Variants in TENM4 observed in about 807,000 individuals in gnomAD.
TENM4 encodes the protein teneurin-4.
A neutral mutation model predicts 243.3 loss-of-function variants in TENM4; 82 were observed. The ratio of observed to expected loss-of-function variants is 0.34; its 90% CI spans 0.28 to 0.40. The LOEUF (loss-of-function observed/expected upper bound fraction) is 0.40, where lower values mean the gene tolerates loss of function less well. Ranked by LOEUF, TENM4 falls within the 10% of genes least tolerant of loss-of-function variation. TENM4 has a pLI of 1.00. For synonymous variants in TENM4, 1,412 were observed against 1,456.3 expected, an observed-to-expected ratio of 0.97 and a Z score of 0.69; for missense variants, 3,138 against 3,673.3, an observed-to-expected ratio of 0.85 and a Z score of 3.77.
intron 6 of TENM4, among the ~76,000 whole-genome samples, chr11:79,063,933 TTTA>T: frequency 6.6e-6 from 1 of 152,072 alleles, no homozygotes; most frequent in East Asian, 1.9e-4. Flanking sequence ...ATCATTAAAG[TTTA>T]TTTTTTTTTG....
chr11:79,025,710 G>A (rs150589339), intron 6 of TENM4, among the ~76,000 whole-genome samples: 2 of 152,250 alleles, frequency 1.3e-5, no homozygotes, highest in Admixed American at 1.3e-4. Context: ...TGCTCTTTAC[G>A]GCTAATCTGC....
intron 6 of TENM4, among the ~76,000 whole-genome samples, chr11:78,908,854 G>T (rs1321963382): frequency 6.6e-6 from 1 of 152,214 alleles, no homozygotes; most frequent in Non-Finnish European, 1.5e-5. Flanking sequence ...TAATCAGCCA[G>T]GAATATTAAA....
At chr11:79,108,771 T>C (rs1379650301) in intron 4 of TENM4, among the ~76,000 whole-genome samples, 1 of 152,140 alleles carries the variant, frequency 6.6e-6, no homozygotes, top group African/African-American at 2.4e-5. Flanking sequence ...AGGCCAGCAA[T>C]AGTAGTGGCC....
rs771966839 is a variant in TENM4, at chr11:78,729,509, C to T, written c.3273G>A (p.Val1091=). 3.7e-6 allele frequency: 6 copies of T among 1,613,820 alleles called. No homozygotes were observed. In the South Asian group the frequency reaches 4.4e-5, roughly 12 times the overall value. ...HPTIPFNLMK[V]HLMVAVEGRL... ...GGCCCTCCACCGCTACCATGAGGTGCACCTTCATGAGGTTGAAGGGGATGG... is the reference window on the plus strand; with the variant it reads ...GGCCCTCCACCGCTACCATGAGGTGTACCTTCATGAGGTTGAAGGGGATGG... The change falls in exon 22 of 34, where the codon GTG becomes GTA. Residue 1091 remains valine, a synonymous_variant. Transcript: ENST00000278550.
intron 4 of TENM4, among the ~76,000 whole-genome samples, chr11:79,099,697 G>T (rs1337751731): frequency 6.6e-6 from 1 of 152,082 alleles, no homozygotes; most frequent in African/African-American, 2.4e-5. Context: ...GCTCTTTAAG[G>T]CAAGATCCCC....
intron 6 of TENM4, among the ~76,000 whole-genome samples, chr11:78,965,707 T>C (rs1033693914): frequency 6.6e-6 from 1 of 152,220 alleles, no homozygotes; most frequent in African/African-American, 2.4e-5. Context: ...TCCTACGCAT[T>C]CCCTGGTCTC....
intron 6 of TENM4, among the ~76,000 whole-genome samples, chr11:78,911,682 G>A (rs1856189718): frequency 1.3e-5 from 2 of 152,222 alleles, no homozygotes; most frequent in South Asian, 4.1e-4. Context: ...ATAAGAAGAA[G>A]AGAGACCTGG....
intron 2 of TENM4, among the ~76,000 whole-genome samples, chr11:79,238,054 T>C (rs1444708310): frequency 6.6e-6 from 1 of 152,216 alleles, no homozygotes; most frequent in Non-Finnish European, 1.5e-5. Context: ...GCCCCTCATA[T>C]GCAGCATTTT....
intron 19 of TENM4, among the ~76,000 whole-genome samples, chr11:78,742,695 C>T (rs533416388): frequency 6.6e-6 from 1 of 152,290 alleles, no homozygotes; most frequent in African/African-American, 2.4e-5. Context: ...CACTCAGGGC[C>T]TGACTGAGGT....
chr11:79,009,319 G>A (rs368257281), intron 6 of TENM4, among the ~76,000 whole-genome samples: 15 of 152,082 alleles, frequency 9.9e-5, no homozygotes, highest in African/African-American at 3.6e-4. Context: ...GGTATGTGGG[G>A]TACACAGACT....
At chr11:78,991,483 C>G (rs182766829) in intron 6 of TENM4, among the ~76,000 whole-genome samples, 2 of 152,312 alleles carry the variant, frequency 1.3e-5, no homozygotes, top group East Asian at 3.9e-4. Flanking sequence ...CATATAAATA[C>G]TGTACCACAA....
At chr11:78,816,860 T>C (rs1293479964) in intron 12 of TENM4, among the ~76,000 whole-genome samples, 1 of 152,186 alleles carries the variant, frequency 6.6e-6, no homozygotes, top group Non-Finnish European at 1.5e-5. Context: ...GCATGAGGCA[T>C]AGAAAAAGCT....
chr11:79,157,875 C>T (rs72935366), intron 3 of TENM4, among the ~76,000 whole-genome samples: 5,600 of 152,310 alleles, frequency 0.037, 162 homozygotes, highest in Non-Finnish European at 0.056. Context: ...AGCAGGGAAC[C>T]AGCAAATGCT....
chr11:79,297,933 CT>C (rs560124265), intron 1 of TENM4, among the ~76,000 whole-genome samples: 21 of 146,274 alleles, frequency 1.4e-4, no homozygotes, highest in African/African-American at 3.3e-4. Flanking sequence ...TTTTTTTTTT[CT>C]TTTTTTTTTC....
At chr11:79,083,505 T>C (rs1404549703) in intron 4 of TENM4, among the ~76,000 whole-genome samples, 2 of 152,204 alleles carry the variant, frequency 1.3e-5, no homozygotes, top group Non-Finnish European at 2.9e-5. Context: ...CCAAGCCCCA[T>C]CTGATGCTTG....
chr11:78,811,818 A>C (rs550574168), intron 14 of TENM4, among the ~76,000 whole-genome samples: 2 of 152,228 alleles, frequency 1.3e-5, no homozygotes, highest in Non-Finnish European at 2.9e-5. Flanking sequence ...CCCAACTATA[A>C]AGTAGAGATG....
chr11:79,138,392 A>G (rs1224398078), intron 4 of TENM4, among the ~76,000 whole-genome samples: 3 of 120,924 alleles, frequency 2.5e-5, no homozygotes, highest in Admixed American at 2.1e-4. Flanking sequence ...ATTATATAAT[A>G]TAGTTATATA....
Position 79,010,571 on chromosome 11 carries a change from T to C in TENM4, c.493+54167A>G, listed in dbSNP as rs562326035. On this transcript the variant is annotated intron_variant, in intron 6 of 33. Coordinates refer to ENST00000278550, the MANE Select transcript of TENM4 (RefSeq NM_001098816.3). ...GGCTGGGGAGGCCTCACAATTATGG[T>C]GGAAAGCAAGGAGGAGCAAGTCACA... 2.0e-5 allele frequency among the ~76,000 whole-genome samples: 3 copies of C among 152,066 alleles called. No individual in the cohort carries two copies. In the South Asian group the frequency reaches 6.2e-4, roughly 32 times the overall value.
At chr11:78,693,733 G>T (rs1325697172) in intron 28 of TENM4, among the ~76,000 whole-genome samples, 1 of 152,140 alleles carries the variant, frequency 6.6e-6, no homozygotes, top group South Asian at 2.1e-4. Context: ...ATTCATATAG[G>T]CCAGGCGCAG....
Sources: gnomAD v4.1 joint callset for allele counts (sites outside exome capture counted in the v4.1 genomes callset) on GRCh38, gnomAD v4.1.1 for gene constraint, MANE v1.5 for transcripts, NCBI Gene and HGNC (gene_info 2026-07-23, HGNC 2026-07-21) for gene names.